TMTC4: variants seen among roughly 807,000 people sequenced by gnomAD.
The protein encoded by TMTC4 is protein O-mannosyl-transferase TMTC4.
A neutral mutation model predicts 86.0 loss-of-function variants in TMTC4; 65 were observed. The ratio of observed to expected loss-of-function variants is 0.76; its 90% CI spans 0.62 to 0.93. TMTC4 has a LOEUF of 0.93. Ranked by LOEUF, TMTC4 falls within the 40% of genes least tolerant of loss-of-function variation. The pLI, the probability that TMTC4 is intolerant of heterozygous loss-of-function variation, is 0.00. For synonymous variants in TMTC4, 379 were observed against 382.5 expected, an observed-to-expected ratio of 0.99 and a Z score of 0.11; for missense variants, 866 against 948.1, an observed-to-expected ratio of 0.91 and a Z score of 1.14.
intron 3 of TMTC4, among the ~76,000 whole-genome samples, chr13:100,664,543 C>T (rs1452986979): frequency 1.3e-5 from 2 of 152,168 alleles, no homozygotes; most frequent in Non-Finnish European, 2.9e-5. Flanking sequence ...TGGGACATAG[C>T]TGATATGCTG....
chr13:100,663,205 G>A, intron 4 of TMTC4, 25 bp from the exon 5 acceptor site: 1 of 1,609,466 alleles, frequency 6.2e-7, no homozygotes, highest in African/African-American at 1.3e-5. Context: ...GGTGTTCAGG[G>A]TACACGCGCA....
chr13:100,641,385 C>T (rs1163544013), intron 7 of TMTC4, among the ~76,000 whole-genome samples: 3 of 151,976 alleles, frequency 2.0e-5, no homozygotes, highest in African/African-American at 7.2e-5. Flanking sequence ...CATAGGTAAC[C>T]GCTGGGGGTG....
upstream of TMTC4, chr13:100,674,896 G>C (rs931294965): frequency 7.5e-5 from 74 of 983,382 alleles, no homozygotes; most frequent in Non-Finnish European, 8.6e-5. Context: ...CCACGCGCGC[G>C]GGCGCCCCCC....
chr13:100,615,315 T>A (rs975663009), intron 15 of TMTC4, among the ~76,000 whole-genome samples: 5 of 151,916 alleles, frequency 3.3e-5, no homozygotes, highest in African/African-American at 1.2e-4. Context: ...TTTTTTCTAT[T>A]TTGAGTAGAG....
Position 100,637,630 on chromosome 13 carries a change from G to A in TMTC4, c.907C>T (p.Leu303Phe), listed in dbSNP as rs752469454. The part of the protein sequence containing the change: ...TLLTSGGAGM[L>F]YVRWRIMGTG... ...CCCATGATCCTCCAGCGCACGTAGA[G>A]CATCCCAGCCCCTCCAGAGGTGAGC... Residue 303 changes from leucine to phenylalanine, a missense_variant, in exon 9 of 19, where the codon CTC becomes TTC. Leu to Phe is a conservative substitution (Grantham distance 22, BLOSUM62 0). Transcript: ENST00000342624. 14 of 1,614,192 alleles carry A rather than the reference G, an allele frequency of 8.7e-6. No homozygotes were observed. The South Asian group carries it at 1.4e-4, about 16-fold the overall frequency.
At chr13:100,620,638 T>C (rs1356464240) in intron 15 of TMTC4, among the ~76,000 whole-genome samples, 3 of 152,194 alleles carry the variant, frequency 2.0e-5, no homozygotes, top group Non-Finnish European at 4.4e-5. Context: ...CCTTCCATCA[T>C]GCATTGTCTT....
chr13:100,611,584 CA>C (rs756182342), intron 17 of TMTC4, among the ~76,000 whole-genome samples: 3 of 150,938 alleles, frequency 2.0e-5, no homozygotes, highest in Admixed American at 2.0e-4. Context: ...GACTCCGTCT[CA>C]AAAAAAACAA....
chr13:100,645,114 A>G (rs564815379), intron 6 of TMTC4, among the ~76,000 whole-genome samples: 26 of 152,256 alleles, frequency 1.7e-4, no homozygotes, highest in African/African-American at 6.0e-4. Context: ...ACCCGGCCTG[A>G]ACATTCTTGT....
intron 3 of TMTC4, among the ~76,000 whole-genome samples, chr13:100,665,301 G>A (rs1271178880): frequency 6.6e-6 from 1 of 152,222 alleles, no homozygotes; most frequent in Non-Finnish European, 1.5e-5. Flanking sequence ...TCTCTTTAGA[G>A]CATAATTAAA....
chr13:100,669,594 T>C (rs1886821750), intron 2 of TMTC4, among the ~76,000 whole-genome samples: 1 of 152,226 alleles, frequency 6.6e-6, no homozygotes, highest in East Asian at 1.9e-4. Context: ...CGGGGATGCC[T>C]GTGCCTCATC....
chr13:100,634,970 G>A lies in TMTC4; in HGVS notation c.1375-34C>T, dbSNP rs551207222. Reference sequence around the variant, plus strand: ...CAGAAAGACATGGTAATTGTCACCAGTGAGATGCATCCGGTCATTCTGTTC... The same window carrying A: ...CAGAAAGACATGGTAATTGTCACCAATGAGATGCATCCGGTCATTCTGTTC... On this transcript the variant is annotated intron_variant, in intron 11 of 18. Coordinates refer to ENST00000342624, the MANE Select transcript of TMTC4 (RefSeq NM_032813.5). 1.5e-4 allele frequency: 242 copies of A among 1,611,264 alleles called. 1 individual carries two copies. In the South Asian group the frequency reaches 2.4e-3, roughly 16 times the overall value.
chr13:100,633,519 G>A (rs908300868), intron 12 of TMTC4, among the ~76,000 whole-genome samples: 2 of 152,034 alleles, frequency 1.3e-5, no homozygotes, highest in Non-Finnish European at 2.9e-5. Context: ...GAAGAGCTTG[G>A]ATTCATCAAG....
intron 16 of TMTC4, among the ~76,000 whole-genome samples, chr13:100,612,730 C>T (rs952269333): frequency 6.6e-6 from 1 of 151,712 alleles, no homozygotes; most frequent in Admixed American, 6.6e-5. Context: ...CAATTCAGCA[C>T]ATTTCTGACA....
intron 6 of TMTC4, among the ~76,000 whole-genome samples, chr13:100,643,059 C>T (rs1002640266): frequency 6.6e-6 from 1 of 152,122 alleles, no homozygotes; most frequent in Non-Finnish European, 1.5e-5. Context: ...TGGCCTTCTG[C>T]GAGCAGGGTC....
At position 100,664,256 on chromosome 13, in the gene TMTC4, G is replaced by A. The variant is rs1197361023; in HGVS notation, c.300C>T (p.His100=). 1.9e-6 allele frequency: 3 copies of A among 1,612,404 alleles called. 1 individual carries two copies. The highest frequency in any genetic ancestry group is 3.3e-4 in the Middle Eastern group (2 of 6,048). ...WGSRLSSNTS[H]KSYRPLTVLT... ...GGACGGTGAGAGGCCGGTAGGACTT[G>A]TGGCTGGTGTTGCTGCTCAGTCTAC... Residue 100 remains histidine (H), a synonymous_variant, in exon 4 of 19, where the codon CAC becomes CAT. Coordinates refer to ENST00000342624, the MANE Select transcript of TMTC4 (RefSeq NM_032813.5).
chr13:100,623,318 T>A (rs1460983554), intron 15 of TMTC4, among the ~76,000 whole-genome samples: 1 of 152,240 alleles, frequency 6.6e-6, no homozygotes, highest in Non-Finnish European at 1.5e-5. Context: ...CTGCAACCTC[T>A]GCTTCCCAGG....
chr13:100,670,233 G>T, intron 2 of TMTC4, 127 bp downstream of exon 2: 1 of 1,032,868 alleles, frequency 9.7e-7, no homozygotes. Flanking sequence ...GGATCTCTAA[G>T]TGGATACCCC....
At chr13:100,619,638 T>C (rs1249057178) in intron 15 of TMTC4, among the ~76,000 whole-genome samples, 1 of 133,498 alleles carries the variant, frequency 7.5e-6, no homozygotes, top group Non-Finnish European at 1.7e-5. Context: ...ATGGAAACAT[T>C]TATGAACATC....
intron 9 of TMTC4, 149 bp downstream of exon 9, chr13:100,637,389 C>A: frequency 9.3e-7 from 1 of 1,079,674 alleles, no homozygotes. Flanking sequence ...CCCAGAACAT[C>A]TTTAGTGATC....
Sources: gnomAD v4.1 joint callset for allele counts (sites outside exome capture counted in the v4.1 genomes callset) on GRCh38, gnomAD v4.1.1 for gene constraint, MANE v1.5 for transcripts, NCBI Gene and HGNC (gene_info 2026-07-23, HGNC 2026-07-21) for gene names.